Variants in TPST2 observed in about 807,000 individuals in gnomAD.
TPST2 encodes tyrosylprotein sulfotransferase 2, also known as protein-tyrosine sulfotransferase 2.
Under a neutral mutation model 27.8 loss-of-function variants are expected in TPST2, and 16 were observed. That is an observed-to-expected ratio of 0.58 (90% CI 0.39 to 0.88). The LOEUF is 0.88. Among genes scored for constraint, TPST2 ranks in the 40% least tolerant of loss-of-function variants. The pLI, the probability that TPST2 is intolerant of heterozygous loss-of-function variation, is 0.00. For missense variants in TPST2, 464 were observed against 543.1 expected, an observed-to-expected ratio of 0.85 and a Z score of 1.45; for synonymous variants, 229 against 231.7, an observed-to-expected ratio of 0.99 and a Z score of 0.10.
chr22:26,568,983 C>T (rs1927490896), intron 1 of TPST2, among the ~76,000 whole-genome samples: 1 of 151,544 alleles, frequency 6.6e-6, no homozygotes, highest in Admixed American at 6.6e-5. Context: ...CCTGCCTCAG[C>T]CTCCCGAGTA....
At chr22:26,556,827 C>G (rs771828488) in intron 1 of TPST2, among the ~76,000 whole-genome samples, 124 of 152,198 alleles carry the variant, frequency 8.1e-4, no homozygotes, top group Non-Finnish European at 1.4e-3. Context: ...TGCCCGTTTC[C>G]TCGCCCCACC....
At chr22:26,563,608 C>T (rs1056971446) in intron 1 of TPST2, among the ~76,000 whole-genome samples, 6 of 151,858 alleles carry the variant, frequency 4.0e-5, no homozygotes, top group Admixed American at 1.3e-4. Context: ...GGATTACAGG[C>T]GTGAGCCACC....
intron 1 of TPST2, among the ~76,000 whole-genome samples, chr22:26,572,375 A>G (rs1927663666): frequency 6.6e-6 from 1 of 152,210 alleles, no homozygotes; most frequent in Non-Finnish European, 1.5e-5. Context: ...CAACCTAGGA[A>G]GGTGGAGCCG....
At chr22:26,588,564 TA>T (rs1282196889) in intron 1 of TPST2, among the ~76,000 whole-genome samples, 4 of 152,132 alleles carry the variant, frequency 2.6e-5, no homozygotes, top group African/African-American at 7.2e-5. Flanking sequence ...AAAGCTGTTA[TA>T]AAAAAAGTTT....
At chr22:26,566,171 C>T (rs888574037) in intron 1 of TPST2, among the ~76,000 whole-genome samples, 8 of 152,120 alleles carry the variant, frequency 5.3e-5, no homozygotes, top group African/African-American at 1.2e-4. Flanking sequence ...AATCCCAGCA[C>T]GTCGGGAGGC....
intron 1 of TPST2, among the ~76,000 whole-genome samples, chr22:26,564,481 G>A (rs554892059): frequency 2.6e-5 from 4 of 152,300 alleles, no homozygotes; most frequent in East Asian, 1.9e-4. Flanking sequence ...CCGGAGGGCC[G>A]AGCAGAGGAG....
At chr22:26,570,895 G>A (rs1024911215) in intron 1 of TPST2, among the ~76,000 whole-genome samples, 8 of 152,088 alleles carry the variant, frequency 5.3e-5, no homozygotes, top group African/African-American at 1.7e-4. Flanking sequence ...GCCAGAATCC[G>A]CCATTTCTCA....
rs929587235 is a variant in TPST2 at position 26,562,727 on chromosome 22, G to A, written c.-160-18052C>T. Among the ~76,000 whole-genome samples, 5 of 151,696 alleles carry A rather than the reference G, an allele frequency of 3.3e-5. 1 individual carries two copies. Among genetic ancestry groups the A allele is most frequent in the Admixed American group, 2.6e-4 (4 of 15,212 alleles). ...CAACCTCCGCCTCCCAGGTTCAAGC[G>A]ATTCTCCTGCCTCAGTTTCCTAAGT... On this transcript the variant is annotated intron_variant, in intron 1 of 6. Transcript: ENST00000338754.
intron 1 of TPST2, chr22:26,560,946 A>G (rs1422598346): frequency 6.2e-7 from 1 of 1,609,752 alleles, no homozygotes. Flanking sequence ...CGCAGATGAC[A>G]AGCAGCCTTA....
chr22:26,583,603 C>T (rs1928209241), intron 1 of TPST2, among the ~76,000 whole-genome samples: 1 of 151,732 alleles, frequency 6.6e-6, no homozygotes, highest in African/African-American at 2.4e-5. Flanking sequence ...CACCTGTAAT[C>T]CCAGCACTTT....
intron 1 of TPST2, among the ~76,000 whole-genome samples, chr22:26,549,676 GAA>G (rs1173578335): frequency 1.0e-5 from 1 of 97,194 alleles, no homozygotes; most frequent in African/African-American, 4.1e-5. Flanking sequence ...AAAAAAAAAA[GAA>G]AAAGAAAAAA....
Position 26,561,423 on chromosome 22 carries a change from T to C in TPST2, c.-160-16748A>G, listed in dbSNP as rs1296613179. Among the ~76,000 whole-genome samples the C allele has an allele frequency of 4.6e-5, 7 of 152,154 alleles. No individual in the cohort carries two copies. The East Asian group carries it at 1.3e-3, about 29-fold the overall frequency. On this transcript the variant is annotated intron_variant, in intron 1 of 6. Transcript: ENST00000338754. The stretch of plus-strand genomic sequence containing the variant: ...AATTGGCATGGAAATTTAAAGCGGG[T>C]TCTTGTTGGTGCACAGCACAAATTA...
chr22:26,554,961 C>T (rs532306206), intron 1 of TPST2, among the ~76,000 whole-genome samples: 1 of 152,326 alleles, frequency 6.6e-6, no homozygotes, highest in South Asian at 2.1e-4. Context: ...TCACATAAAG[C>T]ACTCAGAACA....
intron 1 of TPST2, among the ~76,000 whole-genome samples, chr22:26,551,659 G>A (rs1403493112): frequency 6.6e-6 from 1 of 152,012 alleles, no homozygotes; most frequent in East Asian, 1.9e-4. Context: ...ACTAGCCAGG[G>A]GTGGGGACTG....
rs1042029680 is a variant in TPST2 at position 26,541,268 on chromosome 22, C to T, written c.363G>A (p.Leu121=). ...CCGTCACCCCCGCCTCATCCAGCCG[C>T]AGCTTCTCACGGCCAGACTTGGACC... ...QAWSKSGREK[L]RLDEAGVTDE... is the part of the protein sequence containing the mutation. The change falls in exon 3 of 7, where the codon CTG becomes CTA. Residue 121 remains leucine, a synonymous_variant. Coordinates refer to ENST00000338754, the MANE Select transcript of TPST2 (RefSeq NM_003595.5). The surrounding 1 kb of genome is among the most constrained non-coding windows in gnomAD (Gnocchi z 5.9). 2.0e-6 allele frequency: 3 copies of T among 1,537,888 alleles called. No homozygotes were observed. Among genetic ancestry groups the T allele is most frequent in the Non-Finnish European group, 2.6e-6 (3 of 1,140,624 alleles).
At chr22:26,568,465 C>G (rs904466713) in intron 1 of TPST2, among the ~76,000 whole-genome samples, 2 of 152,104 alleles carry the variant, frequency 1.3e-5, no homozygotes, top group Non-Finnish European at 2.9e-5. Flanking sequence ...AGATACAGGT[C>G]GTAAAGACCC....
chr22:26,558,392 C>T (rs1270782280), intron 1 of TPST2, among the ~76,000 whole-genome samples: 1 of 152,080 alleles, frequency 6.6e-6, no homozygotes, highest in Non-Finnish European at 1.5e-5. Flanking sequence ...CTGCCTGCCT[C>T]GGCCTCCCAA....
At chr22:26,549,489 C>A (rs1022938554) in intron 1 of TPST2, among the ~76,000 whole-genome samples, 1 of 151,110 alleles carries the variant, frequency 6.6e-6, no homozygotes, top group Non-Finnish European at 1.5e-5. Flanking sequence ...AAATCTCCTC[C>A]GTACTAAAAT....
chr22:26,563,495 A>AT (rs1927227047), intron 1 of TPST2, among the ~76,000 whole-genome samples: 1 of 151,602 alleles, frequency 6.6e-6, no homozygotes, highest in Non-Finnish European at 1.5e-5. Context: ...CGCCCGGCTA[A>AT]TTTTTTTGTA....
Sources: allele counts gnomAD v4.1 joint callset (sites outside exome capture counted in the v4.1 genomes callset), GRCh38; gene constraint gnomAD v4.1.1; non-coding constraint Gnocchi (gnomAD v3.1); transcripts MANE v1.5; gene names NCBI Gene and HGNC (gene_info 2026-07-23, HGNC 2026-07-21).